NDUFAF7: variants seen among roughly 807,000 people sequenced by gnomAD.
NDUFAF7 encodes the protein NADH:ubiquinone oxidoreductase complex assembly factor 7, also known as protein arginine methyltransferase NDUFAF7, mitochondrial.
NDUFAF7 carries 48 observed loss-of-function variants against 47.2 expected under a neutral mutation model. The observed-to-expected ratio is 1.02, with a 90% CI of 0.81 to 1.29. NDUFAF7 has a LOEUF of 1.29. NDUFAF7 is among the 50% of genes most tolerant of loss of function. The pLI, the probability that NDUFAF7 is intolerant of heterozygous loss-of-function variation, is 0.00. For missense variants in NDUFAF7, 635 were observed against 537.6 expected (o/e 1.18, Z -1.79); for synonymous variants, 217 against 190.0 (o/e 1.14, Z -1.17).
At chr2:37,261,591 AC>A in the NDUFAF7 span, among the ~76,000 whole-genome samples, 1 of 151,138 alleles carries the variant, frequency 6.6e-6, no homozygotes, top group South Asian at 2.1e-4. Flanking sequence ...GACCAGCCTG[AC>A]CAACATGGAG....
downstream of NDUFAF7, chr2:37,254,324 G>C: frequency 6.4e-7 from 1 of 1,551,884 alleles, no homozygotes; most frequent in Non-Finnish European, 8.9e-7. Context: ...ACATGAATTT[G>C]GGTGCACAGA....
chr2:37,242,862 A>G (rs1472056107), intron 6 of NDUFAF7, among the ~76,000 whole-genome samples, 169 bp downstream of exon 6: 1 of 152,224 alleles, frequency 6.6e-6, no homozygotes, highest in African/African-American at 2.4e-5. Context: ...TGAAATATTA[A>G]TGAGAATTGT....
At chr2:37,234,380 C>T (rs942050870) in intron 2 of NDUFAF7, among the ~76,000 whole-genome samples, 5 of 152,108 alleles carry the variant, frequency 3.3e-5, no homozygotes, top group African/African-American at 1.2e-4. Context: ...GTGTGAGCCA[C>T]TGTGCGCGGC....
rs1475356544 is a variant in NDUFAF7, at chr2:37,237,803, G to A, written c.344G>A (p.Ser115Asn). 1 of 1,613,736 alleles carries A rather than the reference G, an allele frequency of 6.2e-7. No individual in the cohort carries two copies. The highest frequency in any genetic ancestry group is 1.3e-5 in the African/African-American group (1 of 74,870). Residue 115 changes from serine to asparagine, a missense_variant, in exon 4 of 10, where the codon AGC becomes AAC. Transcript: ENST00000002125. ...FISEWMATGK[S>N]TAFQLVELGP... ...AGTGAATGGATGGCCACTGGAAAAA[G>A]CACAGCTTTCCAGCTGGTGGAACTG...
chr2:37,269,751 C>T, the NDUFAF7 span: 12 of 1,156,002 alleles, frequency 1.0e-5, no homozygotes, highest in East Asian at 2.4e-5. Context: ...ACATCTCTGA[C>T]TTTCTTCATC....
chr2:37,269,622 A>C, the NDUFAF7 span: 1 of 1,611,164 alleles, frequency 6.2e-7, no homozygotes, highest in Non-Finnish European at 8.5e-7. Context: ...TACCTCCATA[A>C]ACGATGCCAA....
rs10175473 is a variant in NDUFAF7 at position 37,237,669 on chromosome 2, A to C, written c.298-88A>C. ...GTACACATTTTGCTTTTTGGCATAT[A>C]GTGCATATTTATGTGAAATTTTATA... On this transcript the variant is annotated intron_variant, in intron 3 of 9. Coordinates refer to ENST00000002125, the MANE Select transcript of NDUFAF7 (RefSeq NM_144736.5). 316 of 1,021,934 alleles carry C rather than the reference A, an allele frequency of 3.1e-4. 2 individuals carry two copies. The African/African-American group carries it at 4.4e-3, about 14-fold the overall frequency. 63.3% of individuals were successfully genotyped at this position (1,021,934 alleles called of 1,614,324 possible).
At chr2:37,264,682 G>A in the NDUFAF7 span, among the ~76,000 whole-genome samples, 3 of 152,094 alleles carry the variant, frequency 2.0e-5, no homozygotes, top group Admixed American at 2.0e-4. Flanking sequence ...AGCCTTTTGA[G>A]ACAGAAGCAT....
chr2:37,256,895 A>G, downstream of NDUFAF7: 1 of 1,614,072 alleles, frequency 6.2e-7, no homozygotes, highest in Non-Finnish European at 8.5e-7. Context: ...CTTTTCACCA[A>G]TGATGCGTGC....
At chr2:37,262,900 C>A in the NDUFAF7 span, among the ~76,000 whole-genome samples, 6 of 147,608 alleles carry the variant, frequency 4.1e-5, no homozygotes, top group East Asian at 2.4e-4. Flanking sequence ...TTCCTTCCCC[C>A]CCCCGTATTT....
intron 3 of NDUFAF7, among the ~76,000 whole-genome samples, chr2:37,236,642 G>A (rs1200043060): frequency 3.3e-5 from 5 of 151,900 alleles, no homozygotes; most frequent in South Asian, 2.1e-4. Flanking sequence ...TTAGCCGAGC[G>A]TGGTGGCGGT....
At chr2:37,266,551 A>G in the NDUFAF7 span, among the ~76,000 whole-genome samples, 4 of 151,926 alleles carry the variant, frequency 2.6e-5, no homozygotes, top group African/African-American at 4.8e-5. Context: ...CAATGGCACA[A>G]TCTTGGCTAA....
downstream of NDUFAF7, among the ~76,000 whole-genome samples, chr2:37,255,252 A>T (rs1256278942): frequency 6.6e-6 from 1 of 152,156 alleles, no homozygotes; most frequent in Non-Finnish European, 1.5e-5. Flanking sequence ...TTGTTCTTAA[A>T]CTTTTCCCAG....
At chr2:37,267,346 TAAAAAAA>T in the NDUFAF7 span, 1 of 784,482 alleles carries the variant, frequency 1.3e-6, no homozygotes, top group Non-Finnish European at 1.9e-6. Context: ...TTTGCCTTCT[TAAAAAAA>T]AAAAAAAAAG....
Position 37,237,752 on chromosome 2 carries a change from C to G in NDUFAF7, c.298-5C>G. On this transcript the variant is annotated splice_region_variant and splice_polypyrimidine_tract_variant and intron_variant, in intron 3 of 9. Transcript: ENST00000002125. The stretch of plus-strand genomic sequence containing the variant: ...AATATGTGTTTTTTTTTTCCCTTTT[C>G]ACAGCTACTAGGTATATGGTTCATT... The G allele has an allele frequency of 6.4e-7, 1 of 1,558,998 alleles. No homozygotes were observed. Among genetic ancestry groups the G allele is most frequent in the Non-Finnish European group, 8.8e-7 (1 of 1,133,280 alleles).
At chr2:37,252,593 A>C (rs1046326063), downstream of NDUFAF7, 20 of 152,284 alleles carry the variant, frequency 1.3e-4, no homozygotes, top group Non-Finnish European at 2.5e-4. Context: ...CCTAAAAAAG[A>C]AAGGTAAAAC....
rs759530725 is a variant in NDUFAF7 at position 37,231,679 on chromosome 2, G to A, written c.-27G>A. ...AATGGTCTAAGCCCCAGCTCCTGGC[G>A]GAGCGAGCTAGCCTGCGAATTTCAG... On this transcript the variant is annotated 5_prime_UTR_variant, in exon 1 of 10. Transcript: ENST00000002125. The A allele has an allele frequency of 8.7e-6, 14 of 1,614,196 alleles. 1 individual carries two copies. Among genetic ancestry groups the A allele is most frequent in the Middle Eastern group, 1.6e-4 (1 of 6,062 alleles).
At position 37,248,209 on chromosome 2, in the gene NDUFAF7, AAAG is replaced by A. The variant is rs757637567; in HGVS notation, c.1190_1192del (p.Lys397del). ...AAGGATATGATATGTTAATGAATCCAAAGAAGATGGGAGAGAGATTTAACTTTT... is the reference window on the plus strand; with the variant it reads ...AAGGATATGATATGTTAATGAATCCAAAGATGGGAGAGAGATTTAACTTTT... On this transcript the variant is annotated inframe_deletion, in exon 10 of 10. Transcript: ENST00000002125. The A allele has an allele frequency of 1.5e-5, 24 of 1,613,906 alleles. No individual in the cohort carries two copies. The highest frequency in any genetic ancestry group is 2.7e-5 in the African/African-American group (2 of 74,922).
downstream of NDUFAF7, among the ~76,000 whole-genome samples, chr2:37,257,671 G>GAAAAAA (rs1164110574): frequency 3.5e-5 from 1 of 28,534 alleles, no homozygotes; most frequent in African/African-American, 1.5e-4. Context: ...TGTCTCAAAA[G>GAAAAAA]AAAAAAAAAA....
Sources: allele counts gnomAD v4.1 joint callset (sites outside exome capture counted in the v4.1 genomes callset), GRCh38; gene constraint gnomAD v4.1.1; transcripts MANE v1.5; gene names NCBI Gene and HGNC (gene_info 2026-07-23, HGNC 2026-07-21).